SVEP1: variants seen among roughly 807,000 people sequenced by gnomAD.
SVEP1 encodes sushi, von Willebrand factor type A, EGF and pentraxin domain containing 1.
SVEP1 carries 164 observed loss-of-function variants against 367.3 expected under a neutral mutation model. That is an observed-to-expected ratio of 0.45 (90% confidence interval 0.39 to 0.51). The LOEUF is 0.51. Ranked by LOEUF, SVEP1 falls within the 20% of genes least tolerant of loss-of-function variation. The pLI, the probability that SVEP1 is intolerant of heterozygous loss-of-function variation, is 0.00. For missense variants in SVEP1, 4,117 were observed against 4,425.3 expected, an observed-to-expected ratio of 0.93 and a Z score of 1.98; for synonymous variants, 1,666 against 1,611.6, an observed-to-expected ratio of 1.03 and a Z score of -0.81.
intron 36 of SVEP1, among the ~76,000 whole-genome samples, chr9:110,412,821 C>A (rs1022960256): frequency 6.6e-6 from 1 of 152,202 alleles, no homozygotes; most frequent in African/African-American, 2.4e-5. Context: ...CAGAGGAATG[C>A]AAATCAAAAC....
chr9:110,566,340 A>C (rs1830493646), intron 1 of SVEP1, among the ~76,000 whole-genome samples: 1 of 132,796 alleles, frequency 7.5e-6, no homozygotes, highest in East Asian at 2.0e-4. Flanking sequence ...ATAAATAAAT[A>C]AATAAATAAA....
chr9:110,573,611 G>A (rs1830591328), intron 1 of SVEP1, among the ~76,000 whole-genome samples: 1 of 152,108 alleles, frequency 6.6e-6, no homozygotes, highest in East Asian at 1.9e-4. Flanking sequence ...TTGTTTAACG[G>A]ATATTTAGCA....
intron 20 of SVEP1, 142 bp from the exon 21 acceptor site, chr9:110,457,494 G>T: frequency 1.5e-6 from 1 of 657,954 alleles, no homozygotes; most frequent in Non-Finnish European, 2.7e-6. Context: ...GTGGCTTGCT[G>T]CCTGAATAAC....
At chr9:110,502,921 G>C in intron 6 of SVEP1, 117 bp downstream of exon 6, 1 of 1,048,286 alleles carries the variant, frequency 9.5e-7, no homozygotes, top group East Asian at 2.6e-5. Context: ...TGTACATGTG[G>C]ATATGTATTT....
intron 40 of SVEP1, among the ~76,000 whole-genome samples, chr9:110,394,048 C>T (rs185033024): frequency 1.3e-5 from 2 of 152,314 alleles, no homozygotes; most frequent in Non-Finnish European, 2.9e-5. Context: ...TGACAACAGG[C>T]AGACTGCCTC....
chr9:110,388,989 T>C (rs1459951171), intron 41 of SVEP1, among the ~76,000 whole-genome samples: 1 of 151,878 alleles, frequency 6.6e-6, no homozygotes, highest in Non-Finnish European at 1.5e-5. Flanking sequence ...TAAAAATACA[T>C]AAATACATAC....
At chr9:110,456,151 G>T (rs1463567233) in intron 21 of SVEP1, among the ~76,000 whole-genome samples, 1 of 152,150 alleles carries the variant, frequency 6.6e-6, no homozygotes, top group Admixed American at 6.5e-5. Context: ...CTTTCTATGG[G>T]CTAGCTGTGC....
At chr9:110,507,826 A>G (rs556119428) in intron 5 of SVEP1, among the ~76,000 whole-genome samples, 29 of 152,318 alleles carry the variant, frequency 1.9e-4, no homozygotes, top group South Asian at 6.2e-4. Context: ...AAACCATATT[A>G]AACAATGTTT....
At chr9:110,415,327 G>C (rs1373822382) in intron 36 of SVEP1, among the ~76,000 whole-genome samples, 1 of 152,020 alleles carries the variant, frequency 6.6e-6, no homozygotes, top group Non-Finnish European at 1.5e-5. Context: ...AACTCGGTGA[G>C]ACAGATGCAA....
At chr9:110,538,555 C>T (rs1889321) in intron 3 of SVEP1, among the ~76,000 whole-genome samples, 104,502 of 151,950 alleles carry the variant, frequency 0.69, 36,801 homozygotes, top group Admixed American at 0.77. Flanking sequence ...TATATTTACA[C>T]GTATAATAAG....
chr9:110,560,674 CCCT>C (rs1830416491), intron 1 of SVEP1, among the ~76,000 whole-genome samples: 1 of 152,166 alleles, frequency 6.6e-6, no homozygotes, highest in African/African-American at 2.4e-5. Flanking sequence ...AATAGGGGTT[CCCT>C]CCTCCTGTTT....
At chr9:110,413,108 A>G (rs1828068280) in intron 36 of SVEP1, among the ~76,000 whole-genome samples, 1 of 146,594 alleles carries the variant, frequency 6.8e-6, no homozygotes, top group South Asian at 2.3e-4. Context: ...TTATTGCGGC[A>G]CTATTCACAA....
chr9:110,470,873 C>A (rs1270628095), intron 16 of SVEP1, among the ~76,000 whole-genome samples: 1 of 151,944 alleles, frequency 6.6e-6, no homozygotes, highest in Non-Finnish European at 1.5e-5. Flanking sequence ...TGGTGTGCTG[C>A]ACCCATTAAC....
chr9:110,553,460 C>G lies in SVEP1; in HGVS notation c.532-3356G>C, dbSNP rs77034765. ...ATCTTTTACAAACACAGTTTCTCTT[C>G]CTGATGAAACCCTGTGATATCTTGG... On this transcript the variant is annotated intron_variant, in intron 1 of 47. Transcript: ENST00000374469. Among the ~76,000 whole-genome samples, 95 of 152,240 alleles carry G rather than the reference C, an allele frequency of 6.2e-4. 1 individual carries two copies. In the East Asian group the frequency reaches 0.018, roughly 29 times the overall value.
chr9:110,438,629 A>G (rs1215119579), intron 27 of SVEP1, among the ~76,000 whole-genome samples: 1 of 152,130 alleles, frequency 6.6e-6, no homozygotes, highest in Non-Finnish European at 1.5e-5. Context: ...ACTGAGATAA[A>G]CCTGTTTATT....
chr9:110,560,801 A>G (rs1233853193), intron 1 of SVEP1, among the ~76,000 whole-genome samples: 2 of 152,192 alleles, frequency 1.3e-5, no homozygotes, highest in South Asian at 2.1e-4. Flanking sequence ...CAAGTTATCT[A>G]TCTAAATCAC....
intron 4 of SVEP1, 36 bp from the exon 5 acceptor site, chr9:110,513,141 T>G: frequency 6.4e-7 from 1 of 1,573,904 alleles, no homozygotes; most frequent in Non-Finnish European, 8.6e-7. Flanking sequence ...AAAGCAAAGT[T>G]AGCCTTTTGT....
chr9:110,394,727 C>A (rs538970819), intron 40 of SVEP1, among the ~76,000 whole-genome samples: 1 of 152,198 alleles, frequency 6.6e-6, no homozygotes, highest in African/African-American at 2.4e-5. Context: ...ATAGCTGATG[C>A]AATCAACTGG....
chr9:110,574,368 G>A (rs1433828973), intron 1 of SVEP1, among the ~76,000 whole-genome samples: 1 of 152,184 alleles, frequency 6.6e-6, no homozygotes, highest in African/African-American at 2.4e-5. Context: ...AATAATCTCA[G>A]AAATGTCCCT....
Sources: allele counts gnomAD v4.1 joint callset (sites outside exome capture counted in the v4.1 genomes callset), GRCh38; gene constraint gnomAD v4.1.1; transcripts MANE v1.5; gene names NCBI Gene and HGNC (gene_info 2026-07-23, HGNC 2026-07-21).